The following SDAD1 variants were observed in gnomAD, a reference collection of about 807,000 sequenced individuals.
The protein encoded by SDAD1 is SDA1 domain containing 1.
A neutral mutation model predicts 100.3 loss-of-function variants in SDAD1; 79 were observed. The ratio of observed to expected loss-of-function variants is 0.79; its 90% CI spans 0.66 to 0.95. The LOEUF (loss-of-function observed/expected upper bound fraction) is 0.95, where lower values mean the gene tolerates loss of function less well. Ranked by LOEUF, SDAD1 falls within the 40% of genes least tolerant of loss-of-function variation. SDAD1 has a pLI of 0.00. For synonymous variants in SDAD1, 267 were observed against 271.4 expected, an observed-to-expected ratio of 0.98 and a Z score of 0.16; for missense variants, 790 against 810.9, an observed-to-expected ratio of 0.97 and a Z score of 0.31.
chr4:75,970,800 T>C (rs1729827236), intron 9 of SDAD1, among the ~76,000 whole-genome samples: 1 of 152,170 alleles, frequency 6.6e-6, no homozygotes, highest in South Asian at 2.1e-4. Flanking sequence ...TTTAAAAGTG[T>C]TTGGCAGATC....
intron 16 of SDAD1, 72 bp downstream of exon 16, chr4:75,960,956 C>G (rs1409196208): frequency 1.6e-6 from 2 of 1,244,310 alleles, no homozygotes; most frequent in Admixed American, 1.7e-5. Context: ...GTACTAAAAT[C>G]CTAATTGTAG....
intron 12 of SDAD1, 95 bp downstream of exon 12, chr4:75,967,182 C>G (rs1729594983): frequency 1.7e-6 from 2 of 1,156,710 alleles, no homozygotes; most frequent in Non-Finnish European, 2.6e-6. Context: ...GTAGAGCACA[C>G]TGCACTCCTG....
chr4:75,956,449 A>T (rs1399946797), intron 20 of SDAD1, among the ~76,000 whole-genome samples: 2 of 142,210 alleles, frequency 1.4e-5, no homozygotes, highest in Admixed American at 7.1e-5. Flanking sequence ...ATGGTAAGGG[A>T]AAGGAGGGGA....
chr4:75,987,500 T>A lies in SDAD1; in HGVS notation c.90+3252A>T, dbSNP rs553622669. Among the ~76,000 whole-genome samples the A allele has an allele frequency of 2.0e-5, 3 of 152,248 alleles. No individual in the cohort carries two copies. In the South Asian group the frequency reaches 6.2e-4, roughly 32 times the overall value. ...GCCAATGACATCCATGTCGCTAATT[T>A]TTTTTTGTTTTGTTTTTCTGAGATG... On this transcript the variant is annotated intron_variant, in intron 1 of 21. Transcript: ENST00000356260.
At chr4:75,963,991 C>G (rs1729394644) in intron 14 of SDAD1, 144 bp downstream of exon 14, 1 of 564,026 alleles carries the variant, frequency 1.8e-6, no homozygotes, top group Admixed American at 3.7e-5. Flanking sequence ...AAAAAATTAT[C>G]AAGCCTCCCA....
At position 75,961,054 on chromosome 4, in the gene SDAD1, G is replaced by T. The variant is rs2149312440; in HGVS notation, c.1330C>A (p.Pro444Thr). The change falls in exon 16 of 22, where the codon CCT becomes ACT. Residue 444 changes from proline (P) to threonine (T), a missense_variant. Transcript: ENST00000356260. ...TLIHLFRTLN[P>T]QMLQKKFRGK... ...CGGAATTTCTTCTGCAGCATCTGAG[G>T]ATTCAGTGTTCGGAAGAGGTGAATC... is the stretch of plus-strand genomic sequence containing the variant. 2 of 1,613,862 alleles carry T rather than the reference G, an allele frequency of 1.2e-6. No homozygotes were observed. The highest frequency in any genetic ancestry group is 4.5e-5 in the East Asian group (2 of 44,878).
chr4:75,990,551 G>C, intron 1 of SDAD1: 1 of 1,077,912 alleles, frequency 9.3e-7, no homozygotes, highest in East Asian at 2.6e-5. Context: ...AAATCCAAAG[G>C]GGCAACAGAT....
At chr4:75,988,622 T>A (rs1578156015) in intron 1 of SDAD1, among the ~76,000 whole-genome samples, 1 of 152,328 alleles carries the variant, frequency 6.6e-6, no homozygotes, top group Non-Finnish European at 1.5e-5. Flanking sequence ...TACTAGAATG[T>A]CATTTAATGA....
At chr4:75,952,721 G>A (rs1728682192) in intron 21 of SDAD1, among the ~76,000 whole-genome samples, 1 of 152,124 alleles carries the variant, frequency 6.6e-6, no homozygotes, top group Non-Finnish European at 1.5e-5. Context: ...CAATAGGGTA[G>A]CCACTAACTA....
At chr4:75,950,848 T>A in intron 21 of SDAD1, 51 bp from the exon 22 acceptor site, 1 of 1,298,800 alleles carries the variant, frequency 7.7e-7, no homozygotes, top group African/African-American at 1.5e-5. Flanking sequence ...TACCCTATTA[T>A]ACGAATTTGG....
At chr4:75,968,144 C>T (rs1042243006) in intron 11 of SDAD1, among the ~76,000 whole-genome samples, 7 of 152,152 alleles carry the variant, frequency 4.6e-5, no homozygotes, top group Admixed American at 1.3e-4. Flanking sequence ...CCTCAAACCA[C>T]GCTTAAATCA....
intron 14 of SDAD1, among the ~76,000 whole-genome samples, chr4:75,963,413 C>T (rs1368253116): frequency 2.6e-5 from 4 of 151,992 alleles, no homozygotes; most frequent in Non-Finnish European, 4.4e-5. Flanking sequence ...TAGTTTTTTC[C>T]AATTCTGTGA....
rs1729800519 is a variant in SDAD1 at position 75,970,391 on chromosome 4, G to A, written c.814-13C>T. ...TCTTTTTTTGTTTCTGAAAGGGAGA[G>A]GAAAAACATTTTCAGTCTGAGTTAC... On this transcript the variant is annotated splice_polypyrimidine_tract_variant and intron_variant, in intron 9 of 21. Transcript: ENST00000356260. 1 of 1,602,142 alleles carries A rather than the reference G, an allele frequency of 6.2e-7. No homozygotes were observed. The highest frequency in any genetic ancestry group is 8.5e-7 in the Non-Finnish European group (1 of 1,169,620).
intron 1 of SDAD1, among the ~76,000 whole-genome samples, chr4:75,986,727 AC>A (rs1374119553): frequency 2.0e-5 from 3 of 152,088 alleles, no homozygotes; most frequent in African/African-American, 7.2e-5. Flanking sequence ...ACAAAACAAA[AC>A]AAAAAACACC....
Position 75,982,030 on chromosome 4 carries a change from T to C in SDAD1, c.98A>G (p.Gln33Arg). The C allele has an allele frequency of 6.3e-7, 1 of 1,596,068 alleles. No homozygotes were observed. Among genetic ancestry groups the C allele is most frequent in the Non-Finnish European group, 8.6e-7 (1 of 1,168,686 alleles). The change falls in exon 2 of 22, where the codon CAG becomes CGG. Residue 33 changes from glutamine (Q) to arginine (R), a missense_variant. Physicochemically the swap from Gln to Arg is conservative, Grantham distance 43. Coordinates refer to ENST00000356260, the MANE Select transcript of SDAD1 (RefSeq NM_018115.4). ...ATTGGATTTGTAGTGATTATACTGC[T>C]GTAGAAACTGCAGAAAAATAAAATT... ...DPPAYIEEFL[Q>R]QYNHYKSNVE...
intron 11 of SDAD1, 41 bp from the exon 12 acceptor site, chr4:75,967,375 A>C (rs1729609442): frequency 6.5e-7 from 1 of 1,550,088 alleles, no homozygotes; most frequent in African/African-American, 1.4e-5. Context: ...TGCAGCTGAC[A>C]CTATGGAGTT....
chr4:75,971,031 T>A (rs1729840252), intron 9 of SDAD1, among the ~76,000 whole-genome samples: 1 of 152,196 alleles, frequency 6.6e-6, no homozygotes, highest in East Asian at 1.9e-4. Flanking sequence ...TTAATGACTT[T>A]CAAAATAATC....
chr4:75,956,334 A>T (rs1444774770), intron 20 of SDAD1, among the ~76,000 whole-genome samples, 198 bp from the exon 21 acceptor site: 1 of 152,166 alleles, frequency 6.6e-6, no homozygotes, highest in East Asian at 1.9e-4. Context: ...TCGGTGGAAG[A>T]AAAGTCATAA....
intron 4 of SDAD1, among the ~76,000 whole-genome samples, chr4:75,977,385 G>A (rs1009817408): frequency 1.3e-5 from 2 of 152,138 alleles, no homozygotes; most frequent in African/African-American, 4.8e-5. Context: ...CATCTGCAAA[G>A]TAAGAATAAT....
Sources: gnomAD v4.1 joint callset for allele counts (sites outside exome capture counted in the v4.1 genomes callset) on GRCh38, gnomAD v4.1.1 for gene constraint, MANE v1.5 for transcripts, NCBI Gene and HGNC (gene_info 2026-07-23, HGNC 2026-07-21) for gene names.